NID2: variants seen among roughly 807,000 people sequenced by gnomAD.
NID2 encodes nidogen 2, also known as nidogen-2.
NID2 carries 83 observed loss-of-function variants against 145.4 expected under a neutral mutation model. The observed-to-expected ratio is 0.57, with a 90% CI of 0.48 to 0.69. NID2 has a LOEUF of 0.69. Ranked by LOEUF, NID2 falls within the 30% of genes least tolerant of loss-of-function variation. The pLI is 0.00. For synonymous variants in NID2, 739 were observed against 701.3 expected, an observed-to-expected ratio of 1.05 and a Z score of -0.85; for missense variants, 1,807 against 1,765.7, an observed-to-expected ratio of 1.02 and a Z score of -0.42.
Position 52,054,051 on chromosome 14 carries a change from G to T in NID2, c.1038C>A (p.Phe346Leu). 6.2e-7 allele frequency: 1 copy of T among 1,614,142 alleles called. No individual in the cohort carries two copies. The highest frequency in any genetic ancestry group is 1.1e-5 in the South Asian group (1 of 91,076). ...LNGHSSIDVS[F>L]QSKVDTKPLE... Reference sequence around the variant, plus strand: ...AAGGCTTTGTATCCACTTTGGATTGGAAGGAAACATCAATGCTGCTGTGGC... The same window carrying T: ...AAGGCTTTGTATCCACTTTGGATTGTAAGGAAACATCAATGCTGCTGTGGC... The change falls in exon 4 of 22, where the codon TTC becomes TTA. Residue 346 changes from phenylalanine to leucine, a missense_variant. Transcript: ENST00000216286.
Position 52,014,103 on chromosome 14 carries a change from G to A in NID2, c.3420+184C>T. On this transcript the variant is annotated intron_variant, in intron 16 of 21. Coordinates refer to ENST00000216286, the MANE Select transcript of NID2 (RefSeq NM_007361.4). ...AGCACAGCCTTGGTCAGTGACAGGT[G>A]ACTCCCAGCAAGAGAGAGCCCTGGT... The A allele has an allele frequency of 5.6e-6, 4 of 712,116 alleles. No homozygotes were observed. The East Asian group carries it at 8.1e-5, about 14-fold the overall frequency. 44.1% of individuals were successfully genotyped at this position (712,116 alleles called of 1,614,324 possible).
At chr14:52,030,588 A>ACG (rs1219549481) in intron 9 of NID2, among the ~76,000 whole-genome samples, 3 of 39,894 alleles carry the variant, frequency 7.5e-5, no homozygotes, top group East Asian at 7.7e-4. Context: ...GAAAGAAAGA[A>ACG]AGAAAGAAAG....
Position 52,011,597 on chromosome 14 carries a change from A to G in NID2, c.3507T>C (p.Ala1169=), listed in dbSNP as rs1051069. 0.56 allele frequency: 905,929 copies of G among 1,613,780 alleles called. 259,450 individuals carry two copies. The highest frequency in any genetic ancestry group is 0.77 in the East Asian group (34,746 of 44,884). The change falls in exon 17 of 22, where the codon GCT becomes GCC. Residue 1169 remains alanine, a synonymous_variant. Transcript: ENST00000216286. ...CAGGCTCTGCTCCCAGTTCCAGACC[A>G]GCACGGCTGATTGTCCGTCCAGCAA... The part of the protein sequence containing the change: ...TDVAGRTISR[A]GLELGAEPET...
At chr14:52,008,695 G>A (rs553506175) in intron 18 of NID2, 1 of 152,272 alleles carries the variant, frequency 6.6e-6, no homozygotes, top group East Asian at 1.9e-4. Context: ...TTGAAGTCTT[G>A]AATTGGATCT....
chr14:52,013,584 G>A (rs1428297618), intron 16 of NID2, among the ~76,000 whole-genome samples: 1 of 152,162 alleles, frequency 6.6e-6, no homozygotes, highest in African/African-American at 2.4e-5. Flanking sequence ...ATTTTCCACT[G>A]TGTCGATGCC....
chr14:52,006,307 A>G (rs1890779556), intron 20 of NID2: 1 of 491,712 alleles, frequency 2.0e-6, no homozygotes, highest in South Asian at 2.4e-5. Context: ...TTTTTAAGCT[A>G]TATGTGAGCA....
chr14:52,007,882 T>G lies in NID2; in HGVS notation c.3808A>C (p.Asn1270His). 2 of 1,613,926 alleles carry G rather than the reference T, an allele frequency of 1.2e-6. No homozygotes were observed. The highest frequency in any genetic ancestry group is 1.7e-6 in the Non-Finnish European group (2 of 1,179,814). ...CCATTGGGCAATCCAATGTCTGTAT[T>G]GATCAGAATTCTTCTGTTTTCTCCA... ...LDGENRRILI[N>H]TDIGLPNGLT... The change falls in exon 19 of 22, where the codon AAT becomes CAT. Residue 1270 changes from asparagine to histidine, a missense_variant. Asn to His is a moderately conservative substitution (Grantham distance 68). Coordinates refer to ENST00000216286, the MANE Select transcript of NID2 (RefSeq NM_007361.4).
At chr14:52,007,606 T>C (rs1019781035) in intron 19 of NID2, 5 of 567,994 alleles carry the variant, frequency 8.8e-6, no homozygotes, top group African/African-American at 7.6e-5. Context: ...AACTTACTGC[T>C]TGATATATCC....
chr14:52,011,309 G>A (rs1243305445), intron 17 of NID2, among the ~76,000 whole-genome samples: 2 of 152,154 alleles, frequency 1.3e-5, no homozygotes, highest in Admixed American at 6.5e-5. Flanking sequence ...AAACGAAGGC[G>A]TCACCCTGAA....
At chr14:52,065,139 G>A (rs902723560) in intron 2 of NID2, among the ~76,000 whole-genome samples, 1 of 152,096 alleles carries the variant, frequency 6.6e-6, no homozygotes, top group Admixed American at 6.5e-5. Context: ...AATATCAGGT[G>A]CAACATCTGG....
chr14:52,019,237 T>C lies in NID2; in HGVS notation c.2852A>G (p.Tyr951Cys). The C allele has an allele frequency of 6.2e-7, 1 of 1,611,518 alleles. No homozygotes were observed. ...GTGGAACCGGGCCCCAGGGTAGGCA[T>C]ACTGGGCCTGGGCATGGCGCTGCTG... ...EQQQRHAQAQ[Y>C]AYPGARFHIP... is the part of the protein sequence containing the mutation. Residue 951 changes from tyrosine (Y) to cysteine (C), a missense_variant, in exon 14 of 22, where the codon TAT becomes TGT. By Grantham distance (194) the Tyr-to-Cys change is radical. Coordinates refer to ENST00000216286, the MANE Select transcript of NID2 (RefSeq NM_007361.4).
intron 5 of NID2, among the ~76,000 whole-genome samples, chr14:52,048,445 T>C (rs1336365723): frequency 6.6e-6 from 1 of 152,066 alleles, no homozygotes; most frequent in East Asian, 1.9e-4. Flanking sequence ...CTGAACTTCT[T>C]GAAGGCTGGG....
At chr14:52,029,516 CAAG>C (rs768737914) in intron 10 of NID2, 28 bp downstream of exon 10, 15 of 1,589,898 alleles carry the variant, frequency 9.4e-6, no homozygotes, top group Non-Finnish European at 1.3e-5. Flanking sequence ...ACAAGGGCTA[CAAG>C]AAGGAGACAC....
At chr14:52,010,841 A>T in intron 18 of NID2, 35 bp downstream of exon 18, 1 of 1,600,438 alleles carries the variant, frequency 6.2e-7, no homozygotes, top group Non-Finnish European at 8.5e-7. Context: ...ATCAGGATCT[A>T]CAGGTAAGAG....
intron 5 of NID2, among the ~76,000 whole-genome samples, chr14:52,045,183 T>A (rs1892443259): frequency 6.6e-6 from 1 of 151,894 alleles, no homozygotes; most frequent in African/African-American, 2.4e-5. Context: ...ATAAACTGGG[T>A]TTAATGGTAG....
At chr14:52,015,363 G>A (rs1891182726) in intron 14 of NID2, 88 bp from the exon 15 acceptor site, 1 of 1,243,606 alleles carries the variant, frequency 8.0e-7, no homozygotes, top group African/African-American at 1.5e-5. Flanking sequence ...CCCCATGCCT[G>A]GCCTCCTGGC....
chr14:52,019,338 G>A, intron 13 of NID2, 44 bp from the exon 14 acceptor site: 1 of 1,485,418 alleles, frequency 6.7e-7, no homozygotes, highest in Non-Finnish European at 9.1e-7. Context: ...AGAAATAGAA[G>A]GCATTGCAAC....
chr14:52,010,813 A>C (rs555502621), intron 18 of NID2, 63 bp downstream of exon 18: 2 of 1,532,196 alleles, frequency 1.3e-6, no homozygotes, highest in African/African-American at 2.7e-5. Flanking sequence ...CATTGTATTT[A>C]AAACCCAAGG....
intron 5 of NID2, among the ~76,000 whole-genome samples, chr14:52,052,688 C>A (rs1452626503): frequency 6.6e-6 from 1 of 152,182 alleles, no homozygotes; most frequent in Non-Finnish European, 1.5e-5. Flanking sequence ...GTTTTTGCCA[C>A]AACAGTGACA....
Sources: allele counts gnomAD v4.1 joint callset (sites outside exome capture counted in the v4.1 genomes callset), GRCh38; gene constraint gnomAD v4.1.1; transcripts MANE v1.5; gene names NCBI Gene and HGNC (gene_info 2026-07-23, HGNC 2026-07-21).